Variants in COG5 observed in about 807,000 individuals in gnomAD.
COG5 encodes the protein conserved oligomeric Golgi complex subunit 5.
In COG5, 86 loss-of-function variants were observed where a neutral mutation model predicts 110.4. The ratio of observed to expected loss-of-function variants is 0.78; its 90% CI spans 0.65 to 0.93. The LOEUF (loss-of-function observed/expected upper bound fraction) is 0.93. Ranked by LOEUF, COG5 falls within the 40% of genes least tolerant of loss-of-function variation. The pLI is 0.00. For synonymous variants in COG5, 360 were observed against 334.6 expected (o/e 1.08, Z -0.83); for missense variants, 1,077 against 987.0 (o/e 1.09, Z -1.22).
At chr7:107,394,243 G>A (rs545728648) in intron 7 of COG5, among the ~76,000 whole-genome samples, 2 of 150,886 alleles carry the variant, frequency 1.3e-5, no homozygotes, top group East Asian at 1.9e-4. Context: ...GATTACAGGC[G>A]TGAGCCACCA....
At chr7:107,548,040 C>T in intron 5 of COG5, 71 bp downstream of exon 5, 1 of 1,266,768 alleles carries the variant, frequency 7.9e-7, no homozygotes, top group Non-Finnish European at 1.1e-6. Context: ...CAAACTCATA[C>T]TCTTAAATTT....
At chr7:107,554,497 T>C (rs1563097934) in intron 2 of COG5, among the ~76,000 whole-genome samples, 155 bp from the exon 3 acceptor site, 1 of 152,074 alleles carries the variant, frequency 6.6e-6, no homozygotes, top group African/African-American at 2.4e-5. Context: ...CTGAGATGAG[T>C]TGTAAGCGGG....
chr7:107,463,190 T>C (rs1563049641), intron 6 of COG5, among the ~76,000 whole-genome samples: 1 of 152,214 alleles, frequency 6.6e-6, no homozygotes, highest in African/African-American at 2.4e-5. Context: ...AATAAGCTTT[T>C]CCCCAAAAGG....
At chr7:107,281,268 A>G (rs1805142816) in intron 14 of COG5, 32 bp downstream of exon 14, 1 of 1,364,180 alleles carries the variant, frequency 7.3e-7, no homozygotes, top group Non-Finnish European at 1.0e-6. Context: ...AAATAAAATC[A>G]TTAAAGTTTA....
intron 5 of COG5, among the ~76,000 whole-genome samples, chr7:107,547,491 A>G (rs943147191): frequency 1.3e-5 from 2 of 152,224 alleles, no homozygotes; most frequent in African/African-American, 4.8e-5. Flanking sequence ...CACCACTACT[A>G]TTCATCAACA....
At chr7:107,211,296 T>C in intron 19 of COG5, 71 bp from the exon 20 acceptor site, 1 of 1,541,330 alleles carries the variant, frequency 6.5e-7, no homozygotes, top group Non-Finnish European at 8.9e-7. Context: ...GGAGAATCAT[T>C]CTCCTTGTAG....
intron 6 of COG5, among the ~76,000 whole-genome samples, chr7:107,495,898 G>T (rs937844002): frequency 6.9e-6 from 1 of 145,338 alleles, no homozygotes; most frequent in Non-Finnish European, 1.5e-5. Flanking sequence ...AGGTGAGTTT[G>T]GCCAAATACT....
intron 14 of COG5, among the ~76,000 whole-genome samples, chr7:107,262,350 G>C (rs1417301238): frequency 6.6e-6 from 1 of 152,128 alleles, no homozygotes; most frequent in Admixed American, 6.5e-5. Flanking sequence ...TCAGCAGTGA[G>C]TGATATCTTC....
intron 6 of COG5, among the ~76,000 whole-genome samples, chr7:107,509,711 T>C (rs968949972): frequency 3.5e-5 from 5 of 142,074 alleles, no homozygotes; most frequent in Non-Finnish European, 6.4e-5. Context: ...CGGCAGAAAC[T>C]CTACAAGCCA....
rs1203101104 is a variant in COG5 at position 107,406,907 on chromosome 7, C to A, written c.669+5595G>T. Among the ~76,000 whole-genome samples, 7 of 152,240 alleles carry A rather than the reference C, an allele frequency of 4.6e-5. No individual in the cohort carries two copies. The South Asian group carries it at 8.3e-4, about 18-fold the overall frequency. Reference sequence around the variant, plus strand: ...TTTCCCATTAGATTAATACAAAAGGCTTATGACATTGCACTCCCTGAAATA... The same window carrying A: ...TTTCCCATTAGATTAATACAAAAGGATTATGACATTGCACTCCCTGAAATA... On this transcript the variant is annotated intron_variant, in intron 7 of 21. Coordinates refer to ENST00000297135, the MANE Select transcript of COG5 (RefSeq NM_006348.5).
chr7:107,524,914 T>G (rs1010572427), intron 6 of COG5, among the ~76,000 whole-genome samples: 12 of 152,070 alleles, frequency 7.9e-5, no homozygotes, highest in African/African-American at 2.4e-4. Flanking sequence ...CTTGTGCCTG[T>G]TTTTTTGTGG....
intron 5 of COG5, among the ~76,000 whole-genome samples, chr7:107,540,268 A>T (rs771971534): frequency 2.4e-4 from 36 of 152,182 alleles, no homozygotes; most frequent in Non-Finnish European, 4.4e-4. Context: ...CTGTACTAAC[A>T]AAGATTTAAA....
chr7:107,530,601 C>CAAAAAAAAAA (rs953588412), intron 5 of COG5, among the ~76,000 whole-genome samples: 1 of 47,768 alleles, frequency 2.1e-5, no homozygotes, highest in African/African-American at 8.0e-5. Flanking sequence ...AACTCCATCT[C>CAAAAAAAAAA]AAAAAAAAAA....
intron 6 of COG5, among the ~76,000 whole-genome samples, chr7:107,441,365 T>C (rs1374870844): frequency 2.0e-5 from 3 of 152,030 alleles, no homozygotes. Context: ...CTGGGACTTA[T>C]AACTGCCATC....
intron 7 of COG5, among the ~76,000 whole-genome samples, chr7:107,399,722 G>C (rs1440495995): frequency 6.6e-6 from 1 of 152,136 alleles, no homozygotes; most frequent in Non-Finnish European, 1.5e-5. Flanking sequence ...CTTACATCCA[G>C]AATGTAATAA....
At chr7:107,210,063 T>A (rs1193109811) in intron 21 of COG5, 4 of 1,036,256 alleles carry the variant, frequency 3.9e-6, no homozygotes, top group Non-Finnish European at 4.7e-6. Context: ...GGGGCACTAC[T>A]GGAGGGCCAT....
intron 6 of COG5, among the ~76,000 whole-genome samples, chr7:107,467,159 C>A (rs181564819): frequency 5.3e-5 from 8 of 151,920 alleles, no homozygotes; most frequent in African/African-American, 1.9e-4. Flanking sequence ...AAGAAAAGCA[C>A]GACTTTTAAA....
chr7:107,296,564 T>C, intron 12 of COG5, among the ~76,000 whole-genome samples: 1 of 150,006 alleles, frequency 6.7e-6, no homozygotes, highest in African/African-American at 2.5e-5. Context: ...CCATTTATTT[T>C]GCCAGTCAAA....
chr7:107,226,779 T>C (rs2116362648), intron 19 of COG5, among the ~76,000 whole-genome samples: 1 of 152,308 alleles, frequency 6.6e-6, no homozygotes, highest in African/African-American at 2.4e-5. Flanking sequence ...TCCTACGCTT[T>C]TTATAAAATA....
Sources: allele counts gnomAD v4.1 joint callset (sites outside exome capture counted in the v4.1 genomes callset), GRCh38; gene constraint gnomAD v4.1.1; transcripts MANE v1.5; gene names NCBI Gene and HGNC (gene_info 2026-07-23, HGNC 2026-07-21).